The following TUBD1 variants were observed in gnomAD, a reference collection of about 807,000 sequenced individuals.
The protein encoded by TUBD1 is tubulin delta 1.
A neutral mutation model predicts 51.2 loss-of-function variants in TUBD1; 38 were observed. That is an observed-to-expected ratio of 0.74 (90% CI 0.57 to 0.97). The LOEUF is 0.97. Among genes scored for constraint, TUBD1 ranks in the 50% least tolerant of loss-of-function variants. The pLI, the probability that TUBD1 is intolerant of heterozygous loss-of-function variation, is 0.00. For synonymous variants in TUBD1, 169 were observed against 178.2 expected (o/e 0.95, Z 0.41); for missense variants, 489 against 538.4 (o/e 0.91, Z 0.91).
At chr17:59,878,979 T>A (rs907030716) in intron 4 of TUBD1, among the ~76,000 whole-genome samples, 3 of 152,122 alleles carry the variant, frequency 2.0e-5, no homozygotes, top group Non-Finnish European at 4.4e-5. Context: ...AATTGGCTTA[T>A]ATAGAAATTT....
At chr17:59,871,307 C>G (rs1474139327) in intron 6 of TUBD1, among the ~76,000 whole-genome samples, 2 of 152,134 alleles carry the variant, frequency 1.3e-5, no homozygotes, top group African/African-American at 4.8e-5. Context: ...TCAAGCAATT[C>G]TCCTGCCTTA....
chr17:59,869,201 C>G (rs1479903340), intron 6 of TUBD1, among the ~76,000 whole-genome samples: 2 of 151,838 alleles, frequency 1.3e-5, no homozygotes, highest in Non-Finnish European at 2.9e-5. Context: ...CCCGGCCGGG[C>G]ATGGTGGCTT....
intron 3 of TUBD1, among the ~76,000 whole-genome samples, chr17:59,881,807 T>C (rs1248284327): frequency 6.6e-6 from 1 of 151,962 alleles, no homozygotes; most frequent in Non-Finnish European, 1.5e-5. Context: ...GTAGCTGGGA[T>C]TACAGATGCC....
intron 3 of TUBD1, among the ~76,000 whole-genome samples, chr17:59,885,720 T>C (rs2040691112): frequency 6.6e-6 from 1 of 152,200 alleles, no homozygotes; most frequent in African/African-American, 2.4e-5. Flanking sequence ...TCAGGACTTT[T>C]CCAAAGAACC....
chr17:59,878,437 C>A, intron 4 of TUBD1, 103 bp from the exon 5 acceptor site: 1 of 759,626 alleles, frequency 1.3e-6, no homozygotes, highest in Non-Finnish European at 2.2e-6. Context: ...GGCTCTGTCA[C>A]TTTCTAGCCG....
chr17:59,883,396 A>G (rs1328184210), intron 3 of TUBD1, among the ~76,000 whole-genome samples: 1 of 151,626 alleles, frequency 6.6e-6, no homozygotes, highest in Non-Finnish European at 1.5e-5. Flanking sequence ...CAGCCTCCCG[A>G]GTAGCTGGGA....
rs541357874 is a variant in TUBD1, at chr17:59,881,114, T to C, written c.321-4A>G. On this transcript the variant is annotated splice_polypyrimidine_tract_variant and splice_region_variant and intron_variant, in intron 3 of 8. Coordinates refer to ENST00000325752, the MANE Select transcript of TUBD1 (RefSeq NM_016261.4). The stretch of plus-strand genomic sequence containing the variant: ...CCTGGGTCCATGAACAGAGTAACTA[T>C]GCAATGGCAAAAGAAACAAACACAA... 11 of 1,605,210 alleles carry C rather than the reference T, an allele frequency of 6.9e-6. No homozygotes were observed. The highest frequency in any genetic ancestry group is 1.7e-5 in the Admixed American group (1 of 59,724).
chr17:59,881,214 G>T (rs1269759951), intron 3 of TUBD1, 104 bp from the exon 4 acceptor site: 5 of 900,720 alleles, frequency 5.6e-6, no homozygotes, highest in Non-Finnish European at 8.6e-6. Flanking sequence ...TCAAAACTAC[G>T]GAAGTGAAGG....
At chr17:59,891,157 G>A (rs1224274890) in intron 1 of TUBD1, 116 bp from the exon 2 acceptor site, 1 of 576,018 alleles carries the variant, frequency 1.7e-6, no homozygotes, top group African/African-American at 1.9e-5. Context: ...CTGAGACGGA[G>A]TCTTGTTCTG....
At chr17:59,889,372 G>A (rs1387611171) in intron 2 of TUBD1, among the ~76,000 whole-genome samples, 1 of 150,378 alleles carries the variant, frequency 6.6e-6, no homozygotes, top group Non-Finnish European at 1.5e-5. Flanking sequence ...AGTGAATTAA[G>A]AAAAGAAAGA....
Position 59,891,049 on chromosome 17 carries a change from C to A in TUBD1, c.-39-8G>T, listed in dbSNP as rs146260475. The A allele has an allele frequency of 1.1e-5, 16 of 1,488,432 alleles. No individual in the cohort carries two copies. The highest frequency in any genetic ancestry group is 2.5e-5 in the South Asian group (2 of 80,908). The allele number at this position is 1,488,432 out of a possible 1,614,324, so 92.2% of individuals were successfully genotyped here. Reference sequence around the variant, plus strand: ...ATTACCTCTAAAAACAACCTGTAATCGAAAAAAATACGCTTTGAGAACCAC... The same window carrying A: ...ATTACCTCTAAAAACAACCTGTAATAGAAAAAAATACGCTTTGAGAACCAC... On this transcript the variant is annotated splice_polypyrimidine_tract_variant and splice_region_variant and intron_variant, in intron 1 of 8. Coordinates refer to ENST00000325752, the MANE Select transcript of TUBD1 (RefSeq NM_016261.4).
chr17:59,863,786 C>A lies in TUBD1; in HGVS notation c.1137G>T (p.Val379=), dbSNP rs140000859. The A allele has an allele frequency of 6.2e-7, 1 of 1,610,536 alleles. No homozygotes were observed. Among genetic ancestry groups the A allele is most frequent in the South Asian group, 1.1e-5 (1 of 90,124 alleles). The change falls in exon 8 of 9, where the codon GTG becomes GTT. Residue 379 remains valine (V), a synonymous_variant. Coordinates refer to ENST00000325752, the MANE Select transcript of TUBD1 (RefSeq NM_016261.4). ...SWLKPVNAFN[V]WKTQRAFSKY... ...TGCTAAAGGCCCGCTGGGTTTTCCACACGTTGAAAGCATTAACAGGCTTCA... is the reference window on the plus strand; with the variant it reads ...TGCTAAAGGCCCGCTGGGTTTTCCAAACGTTGAAAGCATTAACAGGCTTCA...
chr17:59,875,122 C>A (rs1227840281), intron 5 of TUBD1, among the ~76,000 whole-genome samples: 1 of 123,236 alleles, frequency 8.1e-6, no homozygotes, highest in Non-Finnish European at 1.6e-5. Context: ...TGTCGCCAGG[C>A]TGGAGGAGTG....
At chr17:59,867,788 G>A (rs1568285826) in intron 6 of TUBD1, among the ~76,000 whole-genome samples, 1 of 152,036 alleles carries the variant, frequency 6.6e-6, no homozygotes, top group African/African-American at 2.4e-5. Flanking sequence ...GGAGTGTACT[G>A]TGCATGTGGG....
intron 5 of TUBD1, among the ~76,000 whole-genome samples, chr17:59,877,480 T>G (rs1298974538): frequency 6.6e-6 from 1 of 152,200 alleles, no homozygotes; most frequent in African/African-American, 2.4e-5. Context: ...GTCTGGCTGC[T>G]GTACTTAAGA....
rs2039408607 is a variant in TUBD1 at position 59,860,814 on chromosome 17, C to A, written c.1260-390G>T. Reference sequence around the variant, plus strand: ...AATGGCCAGGCTGCTCTGGAACTCCCAACCTTAGGTGATCCACCCGCCTCG... The same window carrying A: ...AATGGCCAGGCTGCTCTGGAACTCCAAACCTTAGGTGATCCACCCGCCTCG... On this transcript the variant is annotated intron_variant, in intron 8 of 8. Transcript: ENST00000325752. Among the ~76,000 whole-genome samples the A allele has an allele frequency of 2.0e-5, 3 of 151,828 alleles. No individual in the cohort carries two copies. In the East Asian group the frequency reaches 5.8e-4, roughly 30 times the overall value.
chr17:59,862,181 G>A (rs988946404), intron 8 of TUBD1, among the ~76,000 whole-genome samples: 5 of 151,368 alleles, frequency 3.3e-5, no homozygotes, highest in Admixed American at 6.6e-5. Context: ...AAATTAGCTC[G>A]GTGTAGTGGT....
intron 3 of TUBD1, among the ~76,000 whole-genome samples, chr17:59,882,904 C>T (rs1439854035): frequency 6.6e-6 from 1 of 151,724 alleles, no homozygotes; most frequent in South Asian, 2.1e-4. Flanking sequence ...CCTGCCTTAG[C>T]TTCCCGAGTA....
intron 8 of TUBD1, among the ~76,000 whole-genome samples, chr17:59,862,874 G>A (rs1266079032): frequency 1.3e-5 from 2 of 151,628 alleles, no homozygotes; most frequent in African/African-American, 4.8e-5. Context: ...ACAGGCGCCC[G>A]CTACCACGCC....
Sources: allele counts gnomAD v4.1 joint callset (sites outside exome capture counted in the v4.1 genomes callset), GRCh38; gene constraint gnomAD v4.1.1; transcripts MANE v1.5; gene names NCBI Gene and HGNC (gene_info 2026-07-23, HGNC 2026-07-21).